Variants in FANK1 observed in about 807,000 individuals in gnomAD.
The protein encoded by FANK1 is fibronectin type 3 and ankyrin repeat domains protein 1.
In FANK1, 44 loss-of-function variants were observed where a neutral mutation model predicts 45.3. That is an observed-to-expected ratio of 0.97 (90% CI 0.76 to 1.25). The LOEUF is 1.25. FANK1 is among the 50% of genes most tolerant of loss of function. FANK1 has a pLI of 0.00. For missense variants in FANK1, 391 were observed against 424.4 expected, an observed-to-expected ratio of 0.92 and a Z score of 0.69; for synonymous variants, 149 against 152.5, an observed-to-expected ratio of 0.98 and a Z score of 0.17.
intron 7 of FANK1, among the ~76,000 whole-genome samples, chr10:126,007,503 G>C (rs1308511912): frequency 6.6e-6 from 1 of 152,114 alleles, no homozygotes; most frequent in African/African-American, 2.4e-5. Flanking sequence ...ATGTTACAGT[G>C]GATAATCTTA....
intron 1 of FANK1, among the ~76,000 whole-genome samples, chr10:125,961,305 C>G (rs1463102345): frequency 6.6e-6 from 1 of 152,000 alleles, no homozygotes; most frequent in Non-Finnish European, 1.5e-5. Flanking sequence ...GACAGAGTCT[C>G]ACTATATTGT....
At chr10:125,990,044 C>T (rs551698812) in intron 3 of FANK1, among the ~76,000 whole-genome samples, 1 of 152,340 alleles carries the variant, frequency 6.6e-6, no homozygotes, top group East Asian at 1.9e-4. Flanking sequence ...GCTCACTGAG[C>T]CTGCTCCATG....
chr10:126,004,458 T>G (rs1225419539), intron 6 of FANK1: 1 of 157,306 alleles, frequency 6.4e-6, no homozygotes, highest in African/African-American at 2.4e-5. Flanking sequence ...ACTATCTACT[T>G]CCAGAATATT....
At chr10:125,963,387 C>T (rs1950036440) in intron 1 of FANK1, among the ~76,000 whole-genome samples, 1 of 152,204 alleles carries the variant, frequency 6.6e-6, no homozygotes, top group Admixed American at 6.5e-5. Flanking sequence ...CCAGCCATCC[C>T]ATTACTGGGT....
intron 1 of FANK1, among the ~76,000 whole-genome samples, chr10:125,939,142 A>G (rs1008027976): frequency 7.9e-5 from 12 of 152,208 alleles, no homozygotes; most frequent in African/African-American, 1.9e-4. Context: ...CCAGAACACA[A>G]CTGGCCTGGA....
intron 1 of FANK1, among the ~76,000 whole-genome samples, chr10:125,945,558 C>T (rs1164437825): frequency 1.3e-5 from 2 of 152,306 alleles, no homozygotes; most frequent in East Asian, 1.9e-4. Context: ...TAAAAAACGG[C>T]GAACCACGAG....
intron 1 of FANK1, among the ~76,000 whole-genome samples, chr10:125,907,142 A>T (rs1945590988): frequency 6.6e-6 from 1 of 152,238 alleles, no homozygotes; most frequent in Non-Finnish European, 1.5e-5. Context: ...ATGGTAAAAT[A>T]TACAAAACAT....
chr10:125,910,313 G>C (rs969849472), intron 1 of FANK1, among the ~76,000 whole-genome samples: 2 of 151,982 alleles, frequency 1.3e-5, no homozygotes, highest in East Asian at 3.9e-4. Flanking sequence ...TTTACACTTT[G>C]TTTTCTTTTT....
intron 1 of FANK1, among the ~76,000 whole-genome samples, chr10:125,951,608 T>C (rs763412530): frequency 2.0e-5 from 3 of 152,206 alleles, no homozygotes; most frequent in Non-Finnish European, 4.4e-5. Context: ...CTTCTGTTAT[T>C]ACCAACATTT....
At chr10:125,910,206 T>A (rs1945877741) in intron 1 of FANK1, among the ~76,000 whole-genome samples, 1 of 152,226 alleles carries the variant, frequency 6.6e-6, no homozygotes, top group South Asian at 2.1e-4. Flanking sequence ...TATCCTGGCA[T>A]TCCTGGTAAC....
intron 1 of FANK1, among the ~76,000 whole-genome samples, chr10:125,924,517 G>C (rs1319818183): frequency 6.6e-6 from 1 of 152,212 alleles, no homozygotes; most frequent in Non-Finnish European, 1.5e-5. Context: ...CTCCCAAAGT[G>C]CTGGGATTAC....
chr10:125,946,944 G>A (rs887388350), intron 1 of FANK1, among the ~76,000 whole-genome samples: 1 of 148,484 alleles, frequency 6.7e-6, no homozygotes, highest in African/African-American at 2.5e-5. Flanking sequence ...CCAGAAGAGA[G>A]TGGGGGCCAA....
At chr10:125,976,555 T>C (rs1950865111) in intron 1 of FANK1, among the ~76,000 whole-genome samples, 1 of 152,214 alleles carries the variant, frequency 6.6e-6, no homozygotes, top group African/African-American at 2.4e-5. Context: ...AGAGAACCAG[T>C]CTTCAAGTTC....
At chr10:125,942,813 CTTTTTTTTT>C (rs772933009) in intron 1 of FANK1, among the ~76,000 whole-genome samples, 2 of 126,868 alleles carry the variant, frequency 1.6e-5, no homozygotes, top group African/African-American at 5.9e-5. Context: ...TTATAATTTG[CTTTTTTTTT>C]TTTTTTTTTG....
chr10:125,915,924 A>T (rs544993060), intron 1 of FANK1, among the ~76,000 whole-genome samples: 3 of 152,216 alleles, frequency 2.0e-5, no homozygotes, highest in African/African-American at 7.2e-5. Context: ...GTTGCTGTCT[A>T]TATTAACTTG....
At chr10:125,952,102 C>G (rs79536716) in intron 1 of FANK1, among the ~76,000 whole-genome samples, 1 of 152,024 alleles carries the variant, frequency 6.6e-6, no homozygotes, top group Admixed American at 6.6e-5. Context: ...ATCAGGCAGC[C>G]TCATCCCAAG....
chr10:125,998,590 A>C (rs988500624), intron 6 of FANK1, among the ~76,000 whole-genome samples: 2 of 152,212 alleles, frequency 1.3e-5, no homozygotes, highest in South Asian at 4.1e-4. Flanking sequence ...CCTCTTAAAC[A>C]AAAAGCTATC....
chr10:125,988,047 G>A (rs1470796625), intron 2 of FANK1, among the ~76,000 whole-genome samples: 1 of 152,212 alleles, frequency 6.6e-6, no homozygotes, highest in Non-Finnish European at 1.5e-5. Flanking sequence ...TGCTGCCTGA[G>A]CTCCCAGCTC....
rs117719822 is a variant in FANK1, at chr10:125,987,659, G to C, written c.192-892G>C. On this transcript the variant is annotated intron_variant, in intron 2 of 10. Coordinates refer to ENST00000368693, the MANE Select transcript of FANK1 (RefSeq NM_145235.5). Reference sequence around the variant, plus strand: ...AAGAAGAAAGAATGTTGGCAGAAAAGAGAAATGGGTAACATGGAGGTTTTG... The same window carrying C: ...AAGAAGAAAGAATGTTGGCAGAAAACAGAAATGGGTAACATGGAGGTTTTG... Among the ~76,000 whole-genome samples, 1,476 of 152,250 alleles carry C rather than the reference G, an allele frequency of 9.7e-3. 10 individuals are homozygous for C. Among genetic ancestry groups the C allele is most frequent in the Non-Finnish European group, 0.014 (978 of 68,014 alleles).
Sources: allele counts gnomAD v4.1 joint callset (sites outside exome capture counted in the v4.1 genomes callset), GRCh38; gene constraint gnomAD v4.1.1; transcripts MANE v1.5; gene names NCBI Gene and HGNC (gene_info 2026-07-23, HGNC 2026-07-21).